Variants in SMCO2 observed in about 807,000 individuals in gnomAD.
SMCO2 encodes the protein single-pass membrane protein with coiled-coil domains 2.
In SMCO2, 25 loss-of-function variants were observed where a neutral mutation model predicts 29.5. That is an observed-to-expected ratio of 0.85 (90% CI 0.62 to 1.18). SMCO2 has a LOEUF of 1.18. Among genes scored for constraint, SMCO2 ranks in the 50% most tolerant of loss-of-function variants. The pLI, the probability that SMCO2 is intolerant of heterozygous loss-of-function variation, is 0.00. For synonymous variants in SMCO2, 117 were observed against 123.3 expected, an observed-to-expected ratio of 0.95 and a Z score of 0.34; for missense variants, 348 against 344.5, an observed-to-expected ratio of 1.01 and a Z score of -0.08.
upstream of SMCO2, among the ~76,000 whole-genome samples, chr12:27,463,801 A>G (rs1949476609): frequency 6.6e-6 from 1 of 152,228 alleles, no homozygotes; most frequent in Non-Finnish European, 1.5e-5. Flanking sequence ...TGAATATGTA[A>G]TATGCAATGT....
chr12:27,432,966 T>C, the SMCO2 span, among the ~76,000 whole-genome samples: 1 of 152,196 alleles, frequency 6.6e-6, no homozygotes, highest in Non-Finnish European at 1.5e-5. Flanking sequence ...ACTATGAAAT[T>C]AGATTTGTAT....
At chr12:27,469,597 G>A (rs73300791) in intron 1 of SMCO2, among the ~76,000 whole-genome samples, 1,823 of 152,200 alleles carry the variant, frequency 0.012, 41 homozygotes, top group African/African-American at 0.041. Flanking sequence ...TGGGAGCCAG[G>A]CTACCCTCTA....
chr12:27,466,609 A>G (rs1345585640), upstream of SMCO2, among the ~76,000 whole-genome samples: 1 of 151,964 alleles, frequency 6.6e-6, no homozygotes, highest in Non-Finnish European at 1.5e-5. Flanking sequence ...AGGCCAGGAG[A>G]TGGGTGGACA....
At chr12:27,459,430 A>G in the SMCO2 span, among the ~76,000 whole-genome samples, 2 of 152,100 alleles carry the variant, frequency 1.3e-5, no homozygotes, top group East Asian at 1.9e-4. Flanking sequence ...TCAAGTACAT[A>G]TGGGTACAAA....
At chr12:27,483,437 C>T (rs746320417) in intron 4 of SMCO2, among the ~76,000 whole-genome samples, 63 of 150,852 alleles carry the variant, frequency 4.2e-4, no homozygotes, top group Middle Eastern at 6.8e-3. Context: ...TTTTCTTTTT[C>T]GAGACAGTCT....
At chr12:27,488,120 A>T (rs1182702654) in intron 4 of SMCO2, among the ~76,000 whole-genome samples, 1 of 152,048 alleles carries the variant, frequency 6.6e-6, no homozygotes, top group Non-Finnish European at 1.5e-5. Flanking sequence ...CCTCTTACAG[A>T]TTATATAATT....
chr12:27,471,455 A>G (rs1421984060), intron 2 of SMCO2, among the ~76,000 whole-genome samples: 1 of 151,978 alleles, frequency 6.6e-6, no homozygotes, highest in Non-Finnish European at 1.5e-5. Context: ...CAACACCTCC[A>G]CCCTCTAGGT....
chr12:27,462,082 A>G (rs1267182911), upstream of SMCO2, among the ~76,000 whole-genome samples: 4 of 152,230 alleles, frequency 2.6e-5, no homozygotes, highest in Non-Finnish European at 5.9e-5. Flanking sequence ...TTTGTAACTG[A>G]TGAACATTTG....
upstream of SMCO2, among the ~76,000 whole-genome samples, chr12:27,466,087 C>T (rs754877375): frequency 2.2e-4 from 34 of 152,110 alleles, no homozygotes; most frequent in Admixed American, 7.9e-4. Context: ...GAGACGAGGT[C>T]ACAGAGGTAT....
chr12:27,468,147 C>T (rs969076157), intron 1 of SMCO2, among the ~76,000 whole-genome samples: 1 of 152,142 alleles, frequency 6.6e-6, no homozygotes, highest in Non-Finnish European at 1.5e-5. Flanking sequence ...TAAGGCCCAG[C>T]TGTGAAGTGT....
At chr12:27,442,794 G>A in the SMCO2 span, among the ~76,000 whole-genome samples, 1 of 152,066 alleles carries the variant, frequency 6.6e-6, no homozygotes, top group Admixed American at 6.5e-5. Flanking sequence ...CCAATTTTTG[G>A]ATTTTTTTGT....
At chr12:27,502,051 C>T (rs1943086064) in exon 8 of SMCO2, 2 of 1,547,920 alleles carry the variant, frequency 1.3e-6, no homozygotes, top group Admixed American at 2.0e-5. Flanking sequence ...GGGTGCCGCA[C>T]CACATGGGAC....
intron 2 of SMCO2, among the ~76,000 whole-genome samples, chr12:27,472,420 C>T (rs769523196): frequency 1.3e-5 from 2 of 152,120 alleles, no homozygotes; most frequent in Non-Finnish European, 2.9e-5. Context: ...CCATTTAAAC[C>T]ACATAAGGTT....
At chr12:27,438,605 A>G in the SMCO2 span, among the ~76,000 whole-genome samples, 1 of 152,162 alleles carries the variant, frequency 6.6e-6, no homozygotes, top group Admixed American at 6.5e-5. Context: ...TTCTTACTCT[A>G]TACATCTGAT....
intron 7 of SMCO2, chr12:27,498,129 C>A: frequency 2.8e-6 from 1 of 358,524 alleles, no homozygotes; most frequent in South Asian, 3.0e-5. Context: ...ATCAAATAAA[C>A]TGAACTTTCC....
At chr12:27,437,845 AGTCT>A in the SMCO2 span, among the ~76,000 whole-genome samples, 1 of 152,124 alleles carries the variant, frequency 6.6e-6, no homozygotes, top group Admixed American at 6.6e-5. Context: ...TCAACACCTC[AGTCT>A]GTCTCCCTCT....
intron 5 of SMCO2, among the ~76,000 whole-genome samples, chr12:27,491,642 C>T (rs531032532): frequency 1.4e-4 from 21 of 151,724 alleles, no homozygotes; most frequent in African/African-American, 4.4e-4. Context: ...TGATGCCTAG[C>T]GCAATGGCCA....
chr12:27,428,136 T>C, the SMCO2 span, among the ~76,000 whole-genome samples: 4 of 152,202 alleles, frequency 2.6e-5, no homozygotes, highest in Non-Finnish European at 5.9e-5. Context: ...ACAGGAGCAA[T>C]TGGGGAGGTT....
intron 4 of SMCO2, among the ~76,000 whole-genome samples, chr12:27,484,868 A>AT (rs1565679366): frequency 4.6e-4 from 51 of 111,336 alleles, no homozygotes; most frequent in African/African-American, 2.3e-3. Context: ...AAAAAAAAAA[A>AT]AAAATATATA....
Sources: allele counts gnomAD v4.1 joint callset (sites outside exome capture counted in the v4.1 genomes callset), GRCh38; gene constraint gnomAD v4.1.1; transcripts MANE v1.5; gene names NCBI Gene and HGNC (gene_info 2026-07-23, HGNC 2026-07-21).